The following ZFAND2A variants were observed in gnomAD, a reference collection of about 807,000 sequenced individuals.
ZFAND2A encodes AN1-type zinc finger protein 2A.
In ZFAND2A, 20 loss-of-function variants were observed where a neutral mutation model predicts 11.6. The observed-to-expected ratio is 1.72, with a 90% CI of 1.21 to 2.50. ZFAND2A has a LOEUF of 2.50. ZFAND2A is among the 30% of genes most tolerant of loss of function. The pLI is 0.00. For synonymous variants in ZFAND2A, 93 were observed against 60.6 expected (o/e 1.54, Z -2.48); for missense variants, 234 against 182.9 (o/e 1.28, Z -1.61).
downstream of ZFAND2A, among the ~76,000 whole-genome samples, chr7:1,151,776 C>CAAAAA (rs1563158643): frequency 9.5e-5 from 5 of 52,646 alleles, no homozygotes; most frequent in Non-Finnish European, 1.5e-4. Flanking sequence ...AAAAAAAAAG[C>CAAAAA]AAAGCCAGCC....
downstream of ZFAND2A, chr7:1,152,229 A>C: frequency 6.4e-7 from 1 of 1,556,826 alleles, no homozygotes; most frequent in African/African-American, 1.4e-5. Context: ...CACAGACGAA[A>C]TTGCGTTCAC....
At position 1,155,475 on chromosome 7, in the gene ZFAND2A, T is replaced by A. The variant is rs1455702278; in HGVS notation, c.260A>T (p.His87Leu). The A allele has an allele frequency of 6.2e-7, 1 of 1,613,672 alleles. No homozygotes were observed. The highest frequency in any genetic ancestry group is 2.2e-5 in the East Asian group (1 of 44,860). ...GDHIDRDCDS[H>L]PGKKKEKIFT... ...TACCTTCTCTTTCTTCTTCCCAGGG[T>A]GAGAGTCACAGTCTCTGTCAATGTG... The change falls in exon 4 of 5, where the codon CAC becomes CTC. Residue 87 changes from histidine to leucine, a missense_variant. Transcript: ENST00000316495.
chr7:1,152,798 G>A (rs187627746), downstream of ZFAND2A: 118 of 563,430 alleles, frequency 2.1e-4, 1 homozygote, highest in South Asian at 2.0e-3. Context: ...GACATCCTGC[G>A]CCTGGACCTC....
chr7:1,150,001 C>T (rs1283401018), downstream of ZFAND2A, among the ~76,000 whole-genome samples: 2 of 152,026 alleles, frequency 1.3e-5, no homozygotes, highest in East Asian at 1.9e-4. Flanking sequence ...TACAGGCATG[C>T]ACCACCACGC....
downstream of ZFAND2A, among the ~76,000 whole-genome samples, chr7:1,150,967 A>G (rs1467177521): frequency 6.7e-6 from 1 of 148,414 alleles, no homozygotes; most frequent in South Asian, 2.1e-4. Flanking sequence ...GGCTCACTGC[A>G]ACCTCCGCCT....
At chr7:1,150,932 G>T (rs1227136442), downstream of ZFAND2A, among the ~76,000 whole-genome samples, 1 of 145,168 alleles carries the variant, frequency 6.9e-6, no homozygotes, top group African/African-American at 2.7e-5. Context: ...CTGTTGCCCA[G>T]GCTGGAGTGC....
chr7:1,156,947 TAA>T (rs1334674105), intron 3 of ZFAND2A: 4 of 152,130 alleles, frequency 2.6e-5, no homozygotes. Context: ...CGTGATGGCC[TAA>T]AAATGGCTGG....
downstream of ZFAND2A, among the ~76,000 whole-genome samples, chr7:1,149,870 T>G (rs1793366470): frequency 7.0e-6 from 1 of 142,362 alleles, no homozygotes; most frequent in Non-Finnish European, 1.5e-5. Context: ...TTTTTTTTTT[T>G]GAGATGGAGT....
At chr7:1,151,762 T>TAAAAGAAAAAAAAAAA (rs1554344525), downstream of ZFAND2A, among the ~76,000 whole-genome samples, 338 of 87,088 alleles carry the variant, frequency 3.9e-3, 5 homozygotes, top group Non-Finnish European at 5.0e-3. Context: ...TCATCCCTTT[T>TAAAAGAAAAAAAAAAA]AAAAAAAAAA....
chr7:1,157,964 G>C (rs1271773553), intron 2 of ZFAND2A, among the ~76,000 whole-genome samples, 194 bp downstream of exon 2: 1 of 152,136 alleles, frequency 6.6e-6, no homozygotes, highest in South Asian at 2.1e-4. Flanking sequence ...GGATCCACCT[G>C]GCCCTGCTAG....
chr7:1,150,898 T>C (rs1165864386), downstream of ZFAND2A, among the ~76,000 whole-genome samples: 1 of 149,426 alleles, frequency 6.7e-6, no homozygotes, highest in Non-Finnish European at 1.5e-5. Flanking sequence ...TTTTTTTTTT[T>C]TTTTTTTGAG....
intron 4 of ZFAND2A, among the ~76,000 whole-genome samples, chr7:1,154,046 AAGCAGGG>A (rs1188862908): frequency 6.6e-6 from 1 of 152,122 alleles, no homozygotes; most frequent in African/African-American, 2.4e-5. Context: ...GGCAGCCAGG[AAGCAGGG>A]AGCGGGAGGG....
downstream of ZFAND2A, among the ~76,000 whole-genome samples, chr7:1,150,653 C>T (rs75790758): frequency 9.3e-3 from 1,414 of 152,302 alleles, 9 homozygotes; most frequent in Middle Eastern, 0.02. Flanking sequence ...CCTTCCCTCC[C>T]GTTTTGGCTT....
At chr7:1,156,685 C>T (rs1235300725) in intron 3 of ZFAND2A, among the ~76,000 whole-genome samples, 2 of 152,244 alleles carry the variant, frequency 1.3e-5, no homozygotes, top group Non-Finnish European at 2.9e-5. Flanking sequence ...ACCGAGGTGG[C>T]AACCGACATG....
chr7:1,149,581 C>T (rs914074405), downstream of ZFAND2A, among the ~76,000 whole-genome samples: 9 of 152,208 alleles, frequency 5.9e-5, no homozygotes, highest in Non-Finnish European at 8.8e-5. Context: ...GGGATGTGCA[C>T]GGCCAGGTGA....
chr7:1,151,306 C>T (rs746448194), downstream of ZFAND2A, among the ~76,000 whole-genome samples: 2 of 152,186 alleles, frequency 1.3e-5, no homozygotes, highest in Admixed American at 6.5e-5. Context: ...CAGCTGTGCC[C>T]TCAAACAATG....
downstream of ZFAND2A, among the ~76,000 whole-genome samples, chr7:1,151,662 G>T (rs1011643280): frequency 6.6e-6 from 1 of 150,768 alleles, no homozygotes; most frequent in African/African-American, 2.5e-5. Flanking sequence ...GGGAGGCTGA[G>T]GCAGGAGAAT....
At chr7:1,159,225 G>A (rs78515943) in intron 1 of ZFAND2A, among the ~76,000 whole-genome samples, 3,355 of 152,246 alleles carry the variant, frequency 0.022, 122 homozygotes, top group East Asian at 0.19. Flanking sequence ...CAGGCGTTCC[G>A]AAATTGTTTT....
chr7:1,153,279 GCT>G lies in ZFAND2A; in HGVS notation c.283-57_283-56del, dbSNP rs755059359. On this transcript the variant is annotated intron_variant, in intron 4 of 4. Transcript: ENST00000316495. ...ATTCTTTTTTTGGAGACAGGGTCTC[GCT>G]CTGTTGCCCAGGCTGGAGTGCAGTG... 28 of 1,578,092 alleles carry G rather than the reference GCT, an allele frequency of 1.8e-5. No individual in the cohort carries two copies. The African/African-American group carries it at 3.6e-4, about 20-fold the overall frequency.
Sources: allele counts gnomAD v4.1 joint callset (sites outside exome capture counted in the v4.1 genomes callset), GRCh38; gene constraint gnomAD v4.1.1; transcripts MANE v1.5; gene names NCBI Gene and HGNC (gene_info 2026-07-23, HGNC 2026-07-21).